Variants in GRM5 observed in about 807,000 individuals in gnomAD.
GRM5 encodes metabotropic glutamate receptor 5.
A neutral mutation model predicts 83.1 loss-of-function variants in GRM5; 19 were observed. That is an observed-to-expected ratio of 0.23 (90% CI 0.16 to 0.34). The LOEUF is 0.34. GRM5 is among the 10% of genes least tolerant of loss of function. The pLI, the probability that GRM5 is intolerant of heterozygous loss-of-function variation, is 1.00. For missense variants in GRM5, 1,160 were observed against 1,588.3 expected (o/e 0.73, Z 4.58); for synonymous variants, 675 against 633.6 (o/e 1.07, Z -0.98).
chr11:88,955,511 C>T (rs1276856311), intron 2 of GRM5, among the ~76,000 whole-genome samples: 1 of 152,204 alleles, frequency 6.6e-6, no homozygotes, highest in Non-Finnish European at 1.5e-5. Flanking sequence ...TACATTTCCA[C>T]AGCATACAGA....
At chr11:88,632,441 C>G (rs1378083287) in intron 4 of GRM5, among the ~76,000 whole-genome samples, 2 of 151,826 alleles carry the variant, frequency 1.3e-5, no homozygotes, top group Non-Finnish European at 2.9e-5. Flanking sequence ...CCTATGTTAC[C>G]CAGGTTGATC....
chr11:88,574,621 G>A (rs539194966), intron 7 of GRM5, among the ~76,000 whole-genome samples: 1 of 152,186 alleles, frequency 6.6e-6, no homozygotes, highest in South Asian at 2.1e-4. Context: ...ACAGAAATTA[G>A]CCAGGCATGG....
chr11:88,531,591 C>A (rs966895950), intron 8 of GRM5, among the ~76,000 whole-genome samples: 16 of 152,082 alleles, frequency 1.1e-4, no homozygotes, highest in Non-Finnish European at 1.9e-4. Context: ...TACTTAGAGA[C>A]ATGTTTTCTC....
chr11:88,882,244 G>GTAAA (rs142671487), intron 2 of GRM5, among the ~76,000 whole-genome samples: 2,419 of 33,024 alleles, frequency 0.073, 40 homozygotes, highest in East Asian at 0.44. Context: ...ATCAAAATAA[G>GTAAA]TAAGTAAATA....
intron 3 of GRM5, among the ~76,000 whole-genome samples, chr11:88,776,271 T>A (rs111371145): frequency 6.6e-6 from 1 of 152,196 alleles, no homozygotes; most frequent in East Asian, 1.9e-4. Flanking sequence ...ACCCCTGTTT[T>A]TTTTGCTTTC....
At chr11:88,683,284 A>T (rs1940540291) in intron 3 of GRM5, among the ~76,000 whole-genome samples, 1 of 152,156 alleles carries the variant, frequency 6.6e-6, no homozygotes, top group Non-Finnish European at 1.5e-5. Flanking sequence ...TGAATCCCTG[A>T]TGTTTCCTGA....
intron 2 of GRM5, among the ~76,000 whole-genome samples, chr11:88,932,655 A>G (rs1937753348): frequency 6.6e-6 from 1 of 151,966 alleles, no homozygotes; most frequent in African/African-American, 2.4e-5. Context: ...ACTTATTAAG[A>G]GTTGTCATAT....
At chr11:88,916,195 C>T (rs1193371228) in intron 2 of GRM5, among the ~76,000 whole-genome samples, 6 of 152,044 alleles carry the variant, frequency 3.9e-5, no homozygotes, top group Non-Finnish European at 8.8e-5. Context: ...TCTTCATAAC[C>T]AAAAATCAAG....
chr11:88,953,160 T>C (rs2135681630), intron 2 of GRM5, among the ~76,000 whole-genome samples: 1 of 152,332 alleles, frequency 6.6e-6, no homozygotes, highest in South Asian at 2.1e-4. Context: ...ACCTTGCAAT[T>C]TGTAAGACTC....
chr11:88,945,047 G>A (rs1676071459), intron 2 of GRM5, among the ~76,000 whole-genome samples: 1 of 151,460 alleles, frequency 6.6e-6, no homozygotes, highest in South Asian at 2.1e-4. Context: ...CAAAAATCAG[G>A]AACATTTTTA....
At chr11:89,040,342 G>A in intron 2 of GRM5, among the ~76,000 whole-genome samples, 1 of 151,924 alleles carries the variant, frequency 6.6e-6, no homozygotes, top group East Asian at 1.9e-4. Flanking sequence ...TTACAGAAGA[G>A]CCTGCAAAAA....
chr11:89,048,074 T>TTA lies in GRM5; in HGVS notation c.-200-3_-200-2insTA. The TTA allele has an allele frequency of 2.0e-6, 1 of 507,664 alleles. No individual in the cohort carries two copies. Among genetic ancestry groups the TTA allele is most frequent in the Non-Finnish European group, 3.4e-6 (1 of 290,720 alleles). The allele number at this position is 507,664 out of a possible 1,614,324, so 31.4% of individuals were successfully genotyped here. Reference sequence around the variant, plus strand: ...CCATGTGGTCATGATCTTCTAAACCTGAAAAAAAAAAAATAACATGGGTCT... The same window carrying TTA: ...CCATGTGGTCATGATCTTCTAAACCTTAGAAAAAAAAAAAATAACATGGGTCT... On this transcript the variant is annotated splice_polypyrimidine_tract_variant and splice_region_variant and intron_variant, in intron 1 of 9. Coordinates refer to ENST00000305447, the MANE Select transcript of GRM5 (RefSeq NM_001143831.3).
At chr11:89,034,767 C>A (rs1209583428) in intron 2 of GRM5, among the ~76,000 whole-genome samples, 5 of 150,702 alleles carry the variant, frequency 3.3e-5, no homozygotes, top group Admixed American at 6.6e-5. Context: ...CCAAAAATTT[C>A]TCTCAAAACA....
intron 4 of GRM5, among the ~76,000 whole-genome samples, chr11:88,615,636 T>C (rs1015041609): frequency 4.3e-5 from 6 of 138,410 alleles, no homozygotes; most frequent in Admixed American, 1.5e-4. Context: ...ATTTCCACTA[T>C]AGATTAAGAA....
intron 2 of GRM5, among the ~76,000 whole-genome samples, chr11:88,961,962 G>A (rs1352187736): frequency 1.3e-5 from 2 of 152,206 alleles, no homozygotes; most frequent in Admixed American, 6.5e-5. Flanking sequence ...CATACTTTGT[G>A]CCAGTCACAT....
chr11:88,659,840 T>A (rs1398108681), intron 3 of GRM5, among the ~76,000 whole-genome samples: 1 of 152,184 alleles, frequency 6.6e-6, no homozygotes, highest in Non-Finnish European at 1.5e-5. Flanking sequence ...TTTAAAAATC[T>A]ATCTCCCTTA....
At chr11:89,000,579 T>G (rs1400277695) in intron 2 of GRM5, among the ~76,000 whole-genome samples, 1 of 152,134 alleles carries the variant, frequency 6.6e-6, no homozygotes, top group Non-Finnish European at 1.5e-5. Context: ...AATGTACAAC[T>G]TGAAATTATT....
intron 2 of GRM5, among the ~76,000 whole-genome samples, chr11:89,007,008 AG>A (rs1940549250): frequency 6.6e-6 from 1 of 152,198 alleles, no homozygotes; most frequent in African/African-American, 2.4e-5. Context: ...CATGTTAGCC[AG>A]GATGGTCTCC....
chr11:88,636,537 G>C (rs1472484504), intron 4 of GRM5, among the ~76,000 whole-genome samples: 1 of 151,692 alleles, frequency 6.6e-6, no homozygotes, highest in Non-Finnish European at 1.5e-5. Flanking sequence ...AAAAAAAAGA[G>C]TTTCTGTCTA....
Sources: gnomAD v4.1 joint callset for allele counts (sites outside exome capture counted in the v4.1 genomes callset) on GRCh38, gnomAD v4.1.1 for gene constraint, MANE v1.5 for transcripts, NCBI Gene and HGNC (gene_info 2026-07-23, HGNC 2026-07-21) for gene names.